Variants in JMJD1C observed in about 807,000 individuals in gnomAD.
The protein encoded by JMJD1C is jumonji domain-containing protein 1C.
JMJD1C carries 31 observed loss-of-function variants against 245.3 expected under a neutral mutation model. The ratio of observed to expected loss-of-function variants is 0.13; its 90% CI spans 0.09 to 0.17. The LOEUF (loss-of-function observed/expected upper bound fraction) is 0.17. JMJD1C is among the 10% of genes least tolerant of loss of function. JMJD1C has a pLI of 1.00. For synonymous variants in JMJD1C, 1,057 were observed against 1,017.4 expected (o/e 1.04, Z -0.74); for missense variants, 2,691 against 3,000.2 (o/e 0.90, Z 2.41).
At chr10:63,372,723 C>A (rs937938254) in intron 2 of JMJD1C, among the ~76,000 whole-genome samples, 8 of 152,138 alleles carry the variant, frequency 5.3e-5, no homozygotes, top group East Asian at 3.8e-4. Context: ...ACATAGATGA[C>A]TAAGACATGA....
intron 1 of JMJD1C, among the ~76,000 whole-genome samples, chr10:63,389,564 T>C (rs1409862669): frequency 6.6e-6 from 1 of 151,622 alleles, no homozygotes; most frequent in African/African-American, 2.4e-5. Context: ...CAAACATTTA[T>C]AGAACATTTC....
At chr10:63,370,415 ACT>A (rs975668845) in intron 2 of JMJD1C, among the ~76,000 whole-genome samples, 2 of 152,030 alleles carry the variant, frequency 1.3e-5, no homozygotes, top group African/African-American at 4.8e-5. Context: ...GATCTTCACT[ACT>A]CTGTGTGGTA....
chr10:63,265,122 C>CTT (rs145181254), intron 2 of JMJD1C, among the ~76,000 whole-genome samples: 1 of 148,122 alleles, frequency 6.8e-6, no homozygotes, highest in Non-Finnish European at 1.5e-5. Context: ...TTACCCCCAC[C>CTT]TTTTTTTTTT....
intron 2 of JMJD1C, among the ~76,000 whole-genome samples, chr10:63,298,972 C>A (rs1035652718): frequency 1.3e-5 from 2 of 152,106 alleles, no homozygotes; most frequent in Non-Finnish European, 2.9e-5. Context: ...CTCAGGTGAT[C>A]CGCCCACCTC....
chr10:63,287,835 A>G (rs897128973), intron 2 of JMJD1C, among the ~76,000 whole-genome samples: 1 of 151,718 alleles, frequency 6.6e-6, no homozygotes, highest in Non-Finnish European at 1.5e-5. Flanking sequence ...TGCAACCTCC[A>G]CTTCTGGGTT....
intron 1 of JMJD1C, among the ~76,000 whole-genome samples, chr10:63,497,194 A>T (rs1228030339): frequency 6.6e-6 from 1 of 152,140 alleles, no homozygotes; most frequent in African/African-American, 2.4e-5. Context: ...CACCCAAAAG[A>T]AATGAAAACA....
At chr10:63,233,907 CTTT>C (rs1217908243) in intron 3 of JMJD1C, among the ~76,000 whole-genome samples, 1 of 151,538 alleles carries the variant, frequency 6.6e-6, no homozygotes, top group African/African-American at 2.4e-5. Context: ...CCATGTTTTG[CTTT>C]TATAATGAGA....
intron 1 of JMJD1C, among the ~76,000 whole-genome samples, chr10:63,458,217 G>A (rs1423101375): frequency 6.6e-6 from 1 of 152,070 alleles, no homozygotes; most frequent in East Asian, 1.9e-4. Flanking sequence ...GGATGCCATG[G>A]CTCACACCTC....
intron 1 of JMJD1C, among the ~76,000 whole-genome samples, chr10:63,520,021 T>G (rs1955158432): frequency 6.6e-6 from 1 of 152,174 alleles, no homozygotes; most frequent in South Asian, 2.1e-4. Flanking sequence ...AAATTATTAC[T>G]CAAATTCCTG....
chr10:63,188,860 T>C (rs533867552), intron 18 of JMJD1C, among the ~76,000 whole-genome samples: 21 of 152,228 alleles, frequency 1.4e-4, no homozygotes, highest in African/African-American at 4.6e-4. Flanking sequence ...AAAATACCAA[T>C]CTAAAAAGAG....
At chr10:63,179,894 T>G (rs1212610873) in intron 22 of JMJD1C, among the ~76,000 whole-genome samples, 2 of 152,262 alleles carry the variant, frequency 1.3e-5, no homozygotes, top group African/African-American at 4.8e-5. Context: ...TATAAACTTT[T>G]TAAAGAAAGC....
intron 1 of JMJD1C, among the ~76,000 whole-genome samples, chr10:63,494,307 G>A (rs867409972): frequency 6.7e-5 from 10 of 148,310 alleles, no homozygotes; most frequent in East Asian, 2.0e-4. Context: ...ACGAAACTCC[G>A]TCTCAAAAAA....
intron 2 of JMJD1C, among the ~76,000 whole-genome samples, chr10:63,276,666 G>A (rs1190048324): frequency 1.3e-5 from 2 of 151,876 alleles, no homozygotes; most frequent in Admixed American, 6.6e-5. Context: ...ACAGGGATTC[G>A]CCATATTGGC....
upstream of JMJD1C, chr10:63,466,707 A>C (rs1483829769): frequency 6.6e-6 from 1 of 152,232 alleles, no homozygotes; most frequent in Non-Finnish European, 1.5e-5. Context: ...AGATAATAAA[A>C]GCAGAGAAAA....
intron 1 of JMJD1C, among the ~76,000 whole-genome samples, chr10:63,429,642 A>G (rs1950634035): frequency 6.6e-6 from 1 of 152,190 alleles, no homozygotes; most frequent in Non-Finnish European, 1.5e-5. Flanking sequence ...AGGTTTTCCT[A>G]TTCTAAAACA....
intron 24 of JMJD1C, among the ~76,000 whole-genome samples, chr10:63,174,492 AAGC>A (rs1166115037): frequency 1.3e-5 from 2 of 152,210 alleles, no homozygotes; most frequent in Non-Finnish European, 2.9e-5. Context: ...AGGGACAAAA[AAGC>A]AGATTAGTTG....
chr10:63,499,512 G>A (rs908942764), intron 1 of JMJD1C, among the ~76,000 whole-genome samples: 1 of 152,110 alleles, frequency 6.6e-6, no homozygotes, highest in Non-Finnish European at 1.5e-5. Flanking sequence ...ACTGACTAGA[G>A]ACCAACATAC....
intron 3 of JMJD1C, among the ~76,000 whole-genome samples, chr10:63,241,998 C>T (rs1228206297): frequency 6.6e-6 from 1 of 152,136 alleles, no homozygotes; most frequent in Non-Finnish European, 1.5e-5. Context: ...GGGGTTCCTG[C>T]TTATAACCTC....
intron 1 of JMJD1C, among the ~76,000 whole-genome samples, chr10:63,405,567 C>T (rs1949119865): frequency 6.6e-6 from 1 of 152,114 alleles, no homozygotes; most frequent in Admixed American, 6.5e-5. Flanking sequence ...GAGTGATCCA[C>T]CCACCTCAGT....
Sources: gnomAD v4.1 joint callset for allele counts (sites outside exome capture counted in the v4.1 genomes callset) on GRCh38, gnomAD v4.1.1 for gene constraint, MANE v1.5 for transcripts, NCBI Gene and HGNC (gene_info 2026-07-23, HGNC 2026-07-21) for gene names.